ZNF718: variants seen among roughly 807,000 people sequenced by gnomAD.
The protein encoded by ZNF718 is zinc finger protein 718.
In ZNF718, 3 loss-of-function variants were observed where a neutral mutation model predicts 2.6. The ratio of observed to expected loss-of-function variants is 1.16; its 90% CI spans 0.53 to 3.01. ZNF718 has a LOEUF of 3.01. Among genes scored for constraint, ZNF718 ranks in the 30% most tolerant of loss-of-function variants. The probability of loss-of-function intolerance (pLI) is 0.03; values close to 1 mark genes in which losing one functional copy is unlikely to be tolerated. For missense variants in ZNF718, 468 were observed against 230.0 expected (o/e 2.03, Z -6.69); for synonymous variants, 135 against 77.9 (o/e 1.73, Z -3.86).
At chr4:195,177 A>G (rs1273338210) in intron 3 of ZNF718, among the ~76,000 whole-genome samples, 1 of 152,218 alleles carries the variant, frequency 6.6e-6, no homozygotes, top group Non-Finnish European at 1.5e-5. Flanking sequence ...GTTCTTATGC[A>G]AATTCATTTC....
At chr4:151,465 GTTTTGT>G (rs1344641985) in intron 3 of ZNF718, among the ~76,000 whole-genome samples, 5 of 8,684 alleles carry the variant, frequency 5.8e-4, no homozygotes, top group African/African-American at 2.4e-3. Context: ...ATGTTTTTTT[GTTTTGT>G]TTTGTTTTGT....
At chr4:131,587 G>A (rs1257709054) in intron 3 of ZNF718, 82 bp downstream of exon 3, 1 of 272,932 alleles carries the variant, frequency 3.7e-6, no homozygotes. Flanking sequence ...AATGTTGTTT[G>A]AGAGGCTGAG....
rs1233844921 is a variant in ZNF718 at position 161,390 on chromosome 4, C to T, written c.705C>T (p.Gly235=). ...KFYKCEECGK[G]FTRSSHLTKH... Reference sequence around the variant, plus strand: ...ACAAGTGTGAAGAATGTGGTAAAGGCTTTACTCGGTCCTCACACCTTACTA... The same window carrying T: ...ACAAGTGTGAAGAATGTGGTAAAGGTTTTACTCGGTCCTCACACCTTACTA... The change falls in exon 4 of 4, where the codon GGC becomes GGT. Residue 235 remains glycine, a synonymous_variant. Coordinates refer to ENST00000510175, the MANE Select transcript of ZNF718 (RefSeq NM_001039127.6). The T allele has an allele frequency of 2.6e-6, 2 of 779,604 alleles. No homozygotes were observed. Among genetic ancestry groups the T allele is most frequent in the East Asian group, 4.9e-5 (2 of 41,196 alleles). The allele number at this position is 779,604 out of a possible 1,614,324, so 48.3% of individuals were successfully genotyped here.
At chr4:147,662 G>A (rs1553811670) in intron 3 of ZNF718, among the ~76,000 whole-genome samples, 2 of 152,054 alleles carry the variant, frequency 1.3e-5, no homozygotes, top group African/African-American at 2.4e-5. Flanking sequence ...TCAGGAGTTC[G>A]AGACCAGCCT....
At position 158,898 on chromosome 4, in the gene ZNF718, T is replaced by A. The variant is rs1553814274; in HGVS notation, c.227-2014T>A. On this transcript the variant is annotated intron_variant, in intron 3 of 3. Transcript: ENST00000510175. ...GAAAGATACTTTCTTTAGCCTTTTT[T>A]TTTTTTTGCAAGGCAGATGTAGTGC... Among the ~76,000 whole-genome samples, 4 of 152,018 alleles carry A rather than the reference T, an allele frequency of 2.6e-5. No homozygotes were observed. The East Asian group carries it at 5.8e-4, about 22-fold the overall frequency.
chr4:199,713 CT>C (rs1228857329), intron 3 of ZNF718, among the ~76,000 whole-genome samples: 6 of 152,168 alleles, frequency 3.9e-5, no homozygotes, highest in African/African-American at 1.4e-4. Flanking sequence ...GGATAAAAGG[CT>C]TTCATTTGGC....
At chr4:141,723 GTTA>G (rs1715820081) in intron 3 of ZNF718, among the ~76,000 whole-genome samples, 1 of 152,124 alleles carries the variant, frequency 6.6e-6, no homozygotes, top group African/African-American at 2.4e-5. Flanking sequence ...TATAATTATG[GTTA>G]TTATGTTATT....
chr4:136,977 G>C (rs782717126), intron 3 of ZNF718, among the ~76,000 whole-genome samples: 1 of 152,172 alleles, frequency 6.6e-6, no homozygotes, highest in Non-Finnish European at 1.5e-5. Context: ...TGGGATGGTA[G>C]GGTTGGCTTC....
intron 3 of ZNF718, among the ~76,000 whole-genome samples, chr4:135,472 GAC>G (rs1288310252): frequency 4.6e-5 from 7 of 151,688 alleles, no homozygotes; most frequent in African/African-American, 1.7e-4. Flanking sequence ...GTACATGAGA[GAC>G]AAACTGCTGC....
intron 3 of ZNF718, among the ~76,000 whole-genome samples, chr4:183,003 A>G (rs1025398241): frequency 1.3e-5 from 2 of 152,094 alleles, no homozygotes; most frequent in Non-Finnish European, 1.5e-5. Context: ...CTTTAGTTTA[A>G]TTAGATCTCA....
intron 3 of ZNF718, among the ~76,000 whole-genome samples, chr4:182,424 T>TTATG: frequency 6.8e-6 from 1 of 146,770 alleles, no homozygotes; most frequent in Middle Eastern, 3.4e-3. Context: ...ATTTATTTAT[T>TTATG]TATTTATTTA....
At chr4:166,291 A>G (rs1553816802), downstream of ZNF718, among the ~76,000 whole-genome samples, 2 of 152,328 alleles carry the variant, frequency 1.3e-5, no homozygotes, top group East Asian at 3.9e-4. Flanking sequence ...GCTATTGTGA[A>G]TAGTGCTGCG....
downstream of ZNF718, among the ~76,000 whole-genome samples, chr4:164,363 A>G (rs1164754161): frequency 6.6e-6 from 1 of 152,060 alleles, no homozygotes; most frequent in Non-Finnish European, 1.5e-5. Flanking sequence ...ATATTCTTTT[A>G]ATAATATATA....
intron 3 of ZNF718, among the ~76,000 whole-genome samples, chr4:181,376 A>G (rs1553819795): frequency 6.6e-6 from 1 of 151,824 alleles, no homozygotes; most frequent in Non-Finnish European, 1.5e-5. Flanking sequence ...CCAACATTAT[A>G]AAAATTTACT....
At chr4:166,071 A>T (rs930502303), downstream of ZNF718, among the ~76,000 whole-genome samples, 1 of 152,080 alleles carries the variant, frequency 6.6e-6, no homozygotes, top group East Asian at 1.9e-4. Flanking sequence ...TCACTGTTCA[A>T]TTCCCACCTA....
At chr4:171,484 G>T (rs1391526707) in intron 3 of ZNF718, among the ~76,000 whole-genome samples, 8 of 152,098 alleles carry the variant, frequency 5.3e-5, no homozygotes, top group Admixed American at 2.6e-4. Flanking sequence ...AATTGCGGTG[G>T]GCTCCACCGA....
In ZNF718 at chr4:161,632, G is replaced by C. The variant is rs376123416; in HGVS notation, c.947G>C (p.Cys316Ser). The C allele has an allele frequency of 3.8e-6, 3 of 780,252 alleles. No homozygotes were observed. The highest frequency in any genetic ancestry group is 7.2e-6 in the Non-Finnish European group (3 of 417,670). The allele number at this position is 780,252 out of a possible 1,614,324, so 48.3% of individuals were successfully genotyped here. ...AGEKPFSCEECGNVFTTSSDF... is the reference protein window; with the variant it reads ...AGEKPFSCEESGNVFTTSSDF... ...GAGAAACCCTTCTCATGCGAAGAAT[G>C]TGGCAATGTCTTTACCACATCCTCA... The change falls in exon 4 of 4, where the codon TGT (cysteine) becomes TCT (serine). Residue 316 changes from cysteine to serine, a missense_variant. Cys to Ser is a moderately radical substitution (Grantham distance 112). Transcript: ENST00000510175.
At position 162,237 on chromosome 4, in the gene ZNF718, A is replaced by G. The variant is rs1325846428; in HGVS notation, c.*115A>G. The G allele has an allele frequency of 3.3e-5, 19 of 579,526 alleles. No individual in the cohort carries two copies. The highest frequency in any genetic ancestry group is 1.7e-4 in the East Asian group (6 of 36,156). 35.9% of individuals were successfully genotyped at this position (579,526 alleles called of 1,614,324 possible). On this transcript the variant is annotated 3_prime_UTR_variant, in exon 4 of 4. Transcript: ENST00000510175. ...TGACAAAGCTTTTAACCGCAACTCA[A>G]TCTGTTCTAAACATAAGAGAAATGG...
At chr4:179,754 C>G (rs781807926) in intron 3 of ZNF718, among the ~76,000 whole-genome samples, 1 of 152,146 alleles carries the variant, frequency 6.6e-6, no homozygotes, top group Non-Finnish European at 1.5e-5. Flanking sequence ...AAATGTCCGT[C>G]TTTGGCCCAA....
Sources: gnomAD v4.1 joint callset for allele counts (sites outside exome capture counted in the v4.1 genomes callset) on GRCh38, gnomAD v4.1.1 for gene constraint, MANE v1.5 for transcripts, NCBI Gene and HGNC (gene_info 2026-07-23, HGNC 2026-07-21) for gene names.